The following MIPEP variants were observed in gnomAD, a reference collection of about 807,000 sequenced individuals.
The protein encoded by MIPEP is mitochondrial intermediate peptidase.
A neutral mutation model predicts 90.3 loss-of-function variants in MIPEP; 79 were observed. That is an observed-to-expected ratio of 0.87 (90% CI 0.73 to 1.05). MIPEP has a LOEUF of 1.05. Among genes scored for constraint, MIPEP ranks in the 50% least tolerant of loss-of-function variants. The pLI is 0.00. For synonymous variants in MIPEP, 334 were observed against 315.8 expected (o/e 1.06, Z -0.61); for missense variants, 940 against 905.6 (o/e 1.04, Z -0.49).
At chr13:23,838,324 T>A (rs1276429000) in intron 12 of MIPEP, among the ~76,000 whole-genome samples, 4 of 152,126 alleles carry the variant, frequency 2.6e-5, no homozygotes, top group Admixed American at 6.5e-5. Flanking sequence ...TTTAGATTTT[T>A]TTTTGTACAG....
intron 16 of MIPEP, among the ~76,000 whole-genome samples, chr13:23,787,152 T>C (rs572002896): frequency 7.9e-4 from 120 of 152,342 alleles, no homozygotes; most frequent in African/African-American, 2.8e-3. Flanking sequence ...AAATGTCTGA[T>C]GAACAAAAAT....
intron 14 of MIPEP, among the ~76,000 whole-genome samples, chr13:23,816,301 C>T (rs1953236963): frequency 1.3e-5 from 2 of 152,160 alleles, no homozygotes; most frequent in African/African-American, 4.8e-5. Flanking sequence ...GTTACACTGG[C>T]TGGTATTGTC....
intron 16 of MIPEP, among the ~76,000 whole-genome samples, chr13:23,773,724 T>C (rs1323951609): frequency 2.6e-5 from 4 of 152,220 alleles, no homozygotes; most frequent in Non-Finnish European, 5.9e-5. Flanking sequence ...TGAACATCTT[T>C]TCATGTGCTA....
At chr13:23,814,701 GCTGTTT>G (rs1479785848) in intron 14 of MIPEP, among the ~76,000 whole-genome samples, 1 of 152,180 alleles carries the variant, frequency 6.6e-6, no homozygotes, top group Non-Finnish European at 1.5e-5. Flanking sequence ...GGCCTTTCAG[GCTGTTT>G]CTAACATTCT....
intron 2 of MIPEP, among the ~76,000 whole-genome samples, chr13:23,883,560 A>T (rs558894628): frequency 6.6e-6 from 1 of 152,342 alleles, no homozygotes; most frequent in Non-Finnish European, 1.5e-5. Flanking sequence ...TCATATCTAG[A>T]TTACTTGTAA....
chr13:23,882,483 T>C (rs1043150251), intron 2 of MIPEP, among the ~76,000 whole-genome samples: 1 of 152,188 alleles, frequency 6.6e-6, no homozygotes, highest in Non-Finnish European at 1.5e-5. Context: ...TTCAATAAAA[T>C]ATGAGTTCGT....
intron 18 of MIPEP, among the ~76,000 whole-genome samples, chr13:23,752,725 G>A (rs1452906687): frequency 6.6e-6 from 1 of 152,174 alleles, no homozygotes; most frequent in Non-Finnish European, 1.5e-5. Flanking sequence ...CAGCAATTAA[G>A]AAAGTTGGTT....
chr13:23,779,241 A>T (rs532956134), intron 16 of MIPEP, among the ~76,000 whole-genome samples: 1 of 152,314 alleles, frequency 6.6e-6, no homozygotes, highest in East Asian at 1.9e-4. Context: ...AGCAGCAAAA[A>T]TGTTATTTAC....
intron 18 of MIPEP, among the ~76,000 whole-genome samples, chr13:23,749,226 AT>A (rs1173996377): frequency 6.6e-6 from 1 of 152,202 alleles, no homozygotes; most frequent in Non-Finnish European, 1.5e-5. Flanking sequence ...CTTATTTTAA[AT>A]GTCAGCAGTA....
At chr13:23,793,346 T>C (rs1033996185) in intron 16 of MIPEP, among the ~76,000 whole-genome samples, 30 of 152,184 alleles carry the variant, frequency 2.0e-4, no homozygotes, top group African/African-American at 7.2e-4. Flanking sequence ...TTCTGTATGA[T>C]GCCACCTACA....
intron 18 of MIPEP, among the ~76,000 whole-genome samples, chr13:23,731,554 C>T (rs2138473331): frequency 6.6e-6 from 1 of 152,226 alleles, no homozygotes; most frequent in East Asian, 1.9e-4. Context: ...AAAAAAACCG[C>T]ATGAAGTATC....
intron 14 of MIPEP, among the ~76,000 whole-genome samples, chr13:23,811,140 G>T (rs1006151955): frequency 2.6e-5 from 4 of 152,148 alleles, no homozygotes; most frequent in Non-Finnish European, 5.9e-5. Context: ...CCAACAGATT[G>T]TGTCAAAATG....
chr13:23,864,301 G>A (rs897731702), intron 7 of MIPEP, 112 bp from the exon 8 acceptor site: 2 of 749,736 alleles, frequency 2.7e-6, no homozygotes, highest in African/African-American at 3.7e-5. Context: ...CCCTTAAAGT[G>A]ATGATTTTCA....
chr13:23,824,134 A>G (rs1387412046), intron 14 of MIPEP, among the ~76,000 whole-genome samples: 4 of 152,264 alleles, frequency 2.6e-5, no homozygotes, highest in Non-Finnish European at 5.9e-5. Flanking sequence ...TTTGGTAAAC[A>G]TAGTTATCAC....
At chr13:23,882,139 A>G (rs1871297883) in intron 2 of MIPEP, among the ~76,000 whole-genome samples, 1 of 147,390 alleles carries the variant, frequency 6.8e-6, no homozygotes, top group African/African-American at 2.5e-5. Context: ...GCGCAATCTC[A>G]GGTCACTGCA....
intron 10 of MIPEP, among the ~76,000 whole-genome samples, chr13:23,842,982 C>A (rs1213458009): frequency 6.6e-6 from 1 of 151,080 alleles, no homozygotes; most frequent in African/African-American, 2.4e-5. Context: ...CCTGTAATCC[C>A]AGCTACTCGG....
intron 14 of MIPEP, among the ~76,000 whole-genome samples, chr13:23,829,380 T>A (rs1484056728): frequency 6.6e-6 from 1 of 151,728 alleles, no homozygotes; most frequent in Admixed American, 6.6e-5. Context: ...CTGGGCATGG[T>A]GGCATGCCTG....
At chr13:23,791,557 G>A (rs988073304) in intron 16 of MIPEP, among the ~76,000 whole-genome samples, 1 of 152,074 alleles carries the variant, frequency 6.6e-6, no homozygotes, top group Admixed American at 6.6e-5. Context: ...CTGTGCTCTC[G>A]GGCTCTACGG....
chr13:23,869,098 C>T lies in MIPEP; in HGVS notation c.943+194G>A, dbSNP rs138770221. On this transcript the variant is annotated intron_variant, in intron 7 of 18. Transcript: ENST00000382172. Reference sequence around the variant, plus strand: ...CTCAACATTCACATAAAATAAAATTCTTTGGTTGGACAGAATTATGCCAAA... The same window carrying T: ...CTCAACATTCACATAAAATAAAATTTTTTGGTTGGACAGAATTATGCCAAA... Among the ~76,000 whole-genome samples, 632 of 152,262 alleles carry T rather than the reference C, an allele frequency of 4.2e-3. 5 individuals are homozygous for T. The highest frequency in any genetic ancestry group is 0.015 in the African/African-American group (604 of 41,544).
Sources: gnomAD v4.1 joint callset for allele counts (sites outside exome capture counted in the v4.1 genomes callset) on GRCh38, gnomAD v4.1.1 for gene constraint, MANE v1.5 for transcripts, NCBI Gene and HGNC (gene_info 2026-07-23, HGNC 2026-07-21) for gene names.